The following SP4 variants were observed in gnomAD, a reference collection of about 807,000 sequenced individuals.
The protein encoded by SP4 is transcription factor Sp4.
A neutral mutation model predicts 72.8 loss-of-function variants in SP4; 19 were observed. That is an observed-to-expected ratio of 0.26 (90% CI 0.18 to 0.38). The LOEUF (loss-of-function observed/expected upper bound fraction) is 0.38. Ranked by LOEUF, SP4 falls within the 10% of genes least tolerant of loss-of-function variation. The pLI, the probability that SP4 is intolerant of heterozygous loss-of-function variation, is 1.00. For synonymous variants in SP4, 395 were observed against 333.1 expected (o/e 1.19, Z -2.02); for missense variants, 1,008 against 926.3 (o/e 1.09, Z -1.14).
At chr7:21,470,750 A>G (rs200993851) in intron 3 of SP4, among the ~76,000 whole-genome samples, 1,619 of 49,664 alleles carry the variant, frequency 0.033, 14 homozygotes, top group East Asian at 0.23. Flanking sequence ...CTATATTTGG[A>G]AAAAAAAAAA....
In SP4 at chr7:21,507,147, G is replaced by A. The variant is rs115675409; in HGVS notation, c.2108-3875G>A. On this transcript the variant is annotated intron_variant, in intron 5 of 5. Transcript: ENST00000222584. Reference sequence around the variant, plus strand: ...CTGTATCCTAGGAATTGGTCCAGATGGTCTGCTAAACCGAGTGGATCTTCT... The same window carrying A: ...CTGTATCCTAGGAATTGGTCCAGATAGTCTGCTAAACCGAGTGGATCTTCT... 5.6e-3 allele frequency among the ~76,000 whole-genome samples: 845 copies of A among 152,210 alleles called. 8 individuals are homozygous for A. Among genetic ancestry groups the A allele is most frequent in the African/African-American group, 0.02 (822 of 41,518 alleles).
Position 21,511,174 on chromosome 7 carries a change from G to A in SP4, c.2260G>A (p.Val754Met). 1 of 1,614,146 alleles carries A rather than the reference G, an allele frequency of 6.2e-7. No individual in the cohort carries two copies. The highest frequency in any genetic ancestry group is 8.5e-7 in the Non-Finnish European group (1 of 1,180,006). Reference sequence around the variant, plus strand: ...AGAACTGGACTCATCTGTTACAGAGGTGCTTGGCTCCCCAAGAATTGTCAC... The same window carrying A: ...AGAACTGGACTCATCTGTTACAGAGATGCTTGGCTCCCCAAGAATTGTCAC... ...SGELDSSVTE[V>M]LGSPRIVTVA... The change falls in exon 6 of 6, where the codon GTG becomes ATG. Residue 754 changes from valine (V) to methionine (M), a missense_variant. Around this residue, in one of 3 missense-constraint regions of SP4, gnomAD observed 67 missense variants for 66.1 expected, o/e 1.01. Transcript: ENST00000222584.
rs142163115 is a variant in SP4 at position 21,505,326 on chromosome 7, C to T, written c.2108-5696C>T. Among the ~76,000 whole-genome samples the T allele has an allele frequency of 2.8e-4, 43 of 152,276 alleles. No homozygotes were observed. The East Asian group carries it at 7.9e-3, about 28-fold the overall frequency. On this transcript the variant is annotated intron_variant, in intron 5 of 5. Transcript: ENST00000222584. ...AAACTGCAGTTTGTTCTTAGATACT[C>T]GCAATCCCCTTTCTCCTAGGAAATT... is the stretch of plus-strand genomic sequence containing the variant.
At chr7:21,503,903 C>T (rs993957894) in intron 5 of SP4, among the ~76,000 whole-genome samples, 1 of 152,174 alleles carries the variant, frequency 6.6e-6, no homozygotes, top group Non-Finnish European at 1.5e-5. Context: ...TCACACAAAG[C>T]CTGGGGTCCC....
intron 3 of SP4, among the ~76,000 whole-genome samples, chr7:21,473,860 T>G (rs747804680): frequency 9.9e-5 from 15 of 152,172 alleles, no homozygotes; most frequent in Non-Finnish European, 1.5e-5. Context: ...AGATGAGCTC[T>G]GAGAAGTCAA....
At chr7:21,498,411 A>AC (rs1309071595) in intron 5 of SP4, among the ~76,000 whole-genome samples, 2 of 152,100 alleles carry the variant, frequency 1.3e-5, no homozygotes, top group Non-Finnish European at 2.9e-5. Context: ...ATCTACTTTT[A>AC]CCCCCAGGTA....
At chr7:21,449,113 A>AC (rs1198951530) in intron 3 of SP4, among the ~76,000 whole-genome samples, 1 of 151,692 alleles carries the variant, frequency 6.6e-6, no homozygotes, top group African/African-American at 2.4e-5. Flanking sequence ...TGCTCTAATC[A>AC]CCCCCCAGGG....
At chr7:21,487,541 G>A (rs1784853456) in intron 5 of SP4, among the ~76,000 whole-genome samples, 1 of 151,124 alleles carries the variant, frequency 6.6e-6, no homozygotes, top group African/African-American at 2.4e-5. Flanking sequence ...TTCCAATAGT[G>A]TATTCCATCA....
intron 3 of SP4, among the ~76,000 whole-genome samples, chr7:21,472,988 T>C (rs574234098): frequency 6.6e-6 from 1 of 152,304 alleles, no homozygotes; most frequent in East Asian, 1.9e-4. Context: ...AGGAGCTGAG[T>C]AAGTCCTTGT....
intron 3 of SP4, among the ~76,000 whole-genome samples, chr7:21,439,391 C>T (rs9639378): frequency 0.72 from 109,479 of 151,980 alleles, 40,415 homozygotes; most frequent in East Asian, 0.89. Context: ...TTTGTTACAT[C>T]GATATGTTGT....
Position 21,428,781 on chromosome 7 carries a change from T to G in SP4, c.112T>G (p.Ser38Ala), listed in dbSNP as rs1254942905. The G allele has an allele frequency of 6.5e-7, 1 of 1,550,026 alleles. No individual in the cohort carries two copies. Among genetic ancestry groups the G allele is most frequent in the Admixed American group, 2.0e-5 (1 of 50,454 alleles). ...GAATAACAATAAAAAACCCAAAACCTCAGGCTCCCAGGTAAAAGCAAACAA... is the reference window on the plus strand; with the variant it reads ...GAATAACAATAAAAAACCCAAAACCGCAGGCTCCCAGGTAAAAGCAAACAA... Reference protein sequence around the residue: ...PENNNKKPKTSGSQDSQPSPL... With the variant: ...PENNNKKPKTAGSQDSQPSPL... The change falls in exon 2 of 6, where the codon TCA becomes GCA. Residue 38 changes from serine to alanine, a missense_variant. Transcript: ENST00000222584.
intron 3 of SP4, among the ~76,000 whole-genome samples, chr7:21,452,347 A>T (rs1448182825): frequency 6.6e-6 from 1 of 152,226 alleles, no homozygotes; most frequent in Non-Finnish European, 1.5e-5. Flanking sequence ...GGAGTCTCAG[A>T]TAAGGCTTTT....
intron 3 of SP4, among the ~76,000 whole-genome samples, chr7:21,474,886 G>A (rs889703923): frequency 6.6e-6 from 1 of 152,184 alleles, no homozygotes; most frequent in Non-Finnish European, 1.5e-5. Context: ...ATTTTTTAAT[G>A]TGCATGTTAG....
At chr7:21,502,232 T>TC (rs1375457869) in intron 5 of SP4, among the ~76,000 whole-genome samples, 3 of 152,102 alleles carry the variant, frequency 2.0e-5, no homozygotes, top group African/African-American at 7.2e-5. Flanking sequence ...CATCCTTTTT[T>TC]CCCACAGTAC....
At chr7:21,487,880 G>C (rs1215671408) in intron 5 of SP4, among the ~76,000 whole-genome samples, 1 of 149,390 alleles carries the variant, frequency 6.7e-6, no homozygotes, top group Non-Finnish European at 1.5e-5. Context: ...TGGTTTTTTT[G>C]AGACAGGGTC....
intron 5 of SP4, among the ~76,000 whole-genome samples, chr7:21,491,311 T>C (rs1374562457): frequency 6.6e-6 from 1 of 152,048 alleles, no homozygotes; most frequent in Non-Finnish European, 1.5e-5. Flanking sequence ...GTGGAGATAA[T>C]AGAGGAAAGA....
At chr7:21,483,707 C>T (rs1375999723) in intron 5 of SP4, among the ~76,000 whole-genome samples, 1 of 151,762 alleles carries the variant, frequency 6.6e-6, no homozygotes, top group Non-Finnish European at 1.5e-5. Flanking sequence ...TTGCCAGTTC[C>T]TACACCAATG....
At chr7:21,475,511 A>G (rs529821943) in intron 3 of SP4, among the ~76,000 whole-genome samples, 1 of 151,984 alleles carries the variant, frequency 6.6e-6, no homozygotes, top group South Asian at 2.1e-4. Flanking sequence ...TCTGTCGCCC[A>G]GGCTGCACAG....
chr7:21,494,402 AG>A (rs1785054949), intron 5 of SP4, among the ~76,000 whole-genome samples: 1 of 152,206 alleles, frequency 6.6e-6, no homozygotes, highest in Non-Finnish European at 1.5e-5. Context: ...CCTACCAAAA[AG>A]CTTTTTGAAC....
Sources: gnomAD v4.1 joint callset for allele counts (sites outside exome capture counted in the v4.1 genomes callset) on GRCh38, gnomAD v4.1.1 for gene constraint, gnomAD v4.1.1 regional missense constraint, MANE v1.5 for transcripts, NCBI Gene and HGNC (gene_info 2026-07-23, HGNC 2026-07-21) for gene names.